The following GALNT13 variants were observed in gnomAD, a reference collection of about 807,000 sequenced individuals.
GALNT13 encodes the protein UDP-GalNAc:polypeptide N-acetylgalactosaminyltransferase 13.
A neutral mutation model predicts 64.2 loss-of-function variants in GALNT13; 28 were observed. The ratio of observed to expected loss-of-function variants is 0.44; its 90% confidence interval spans 0.32 to 0.60. The LOEUF is 0.60. Among genes scored for constraint, GALNT13 ranks in the 20% least tolerant of loss-of-function variants. The pLI, the probability that GALNT13 is intolerant of heterozygous loss-of-function variation, is 0.05. For synonymous variants in GALNT13, 214 were observed against 224.6 expected (o/e 0.95, Z 0.42); for missense variants, 577 against 669.8 (o/e 0.86, Z 1.53).
the GALNT13 span, among the ~76,000 whole-genome samples, chr2:153,295,081 C>A: frequency 6.6e-6 from 1 of 152,132 alleles, no homozygotes; most frequent in African/African-American, 2.4e-5. Context: ...CTTTGATGGA[C>A]TCTCCTGGTG....
the GALNT13 span, among the ~76,000 whole-genome samples, chr2:153,322,742 A>C: frequency 1.3e-5 from 2 of 152,156 alleles, no homozygotes; most frequent in Non-Finnish European, 2.9e-5. Context: ...ATGAGTGAGA[A>C]CATGCAGTGT....
the GALNT13 span, among the ~76,000 whole-genome samples, chr2:153,816,829 T>G: frequency 6.6e-6 from 1 of 152,136 alleles, no homozygotes; most frequent in Non-Finnish European, 1.5e-5. Flanking sequence ...ATAATGGTAA[T>G]ATGTCACATC....
intron 9 of GALNT13, among the ~76,000 whole-genome samples, chr2:154,385,019 C>T (rs1184283485): frequency 1.5e-5 from 2 of 137,148 alleles, no homozygotes; most frequent in African/African-American, 2.8e-5. Flanking sequence ...AAAGCAGTGA[C>T]GACTACAATA....
the GALNT13 span, among the ~76,000 whole-genome samples, chr2:153,120,602 T>C: frequency 6.6e-6 from 1 of 152,238 alleles, no homozygotes; most frequent in African/African-American, 2.4e-5. Context: ...TGATCAAATA[T>C]ACTTCCTTTT....
chr2:153,726,809 G>A, the GALNT13 span, among the ~76,000 whole-genome samples: 196 of 151,660 alleles, frequency 1.3e-3, no homozygotes, highest in Admixed American at 2.2e-3. Flanking sequence ...GTGTGGTGGC[G>A]GGCACCTGTA....
chr2:153,075,373 G>A, the GALNT13 span, among the ~76,000 whole-genome samples: 1 of 152,106 alleles, frequency 6.6e-6, no homozygotes, highest in South Asian at 2.1e-4. Context: ...TCAAACACAG[G>A]ACTAAACAGT....
At chr2:153,672,445 A>T in the GALNT13 span, among the ~76,000 whole-genome samples, 1 of 152,208 alleles carries the variant, frequency 6.6e-6, no homozygotes, top group Non-Finnish European at 1.5e-5. Flanking sequence ...CCTGCTCCTG[A>T]ATGACTACTG....
intron 8 of GALNT13, among the ~76,000 whole-genome samples, chr2:154,294,064 T>C (rs955579221): frequency 1.3e-5 from 2 of 152,212 alleles, no homozygotes; most frequent in Admixed American, 1.3e-4. Context: ...GGAAATGCAA[T>C]ATCAGCATTT....
chr2:153,343,103 A>G, the GALNT13 span, among the ~76,000 whole-genome samples: 1 of 152,188 alleles, frequency 6.6e-6, no homozygotes, highest in African/African-American at 2.4e-5. Flanking sequence ...TTTGTTGAAT[A>G]TAAGTGATGA....
the GALNT13 span, among the ~76,000 whole-genome samples, chr2:153,322,975 T>G: frequency 9.0e-3 from 1,374 of 152,328 alleles, 25 homozygotes; most frequent in East Asian, 0.084. Flanking sequence ...GCATGTGTCT[T>G]TATAGTAGAA....
intron 3 of GALNT13, among the ~76,000 whole-genome samples, chr2:154,055,474 A>G (rs1237877568): frequency 6.6e-6 from 1 of 152,104 alleles, no homozygotes; most frequent in African/African-American, 2.4e-5. Flanking sequence ...ACAGAGACAA[A>G]ACAAATATAT....
chr2:154,414,507 A>ATT (rs11439962), intron 11 of GALNT13, among the ~76,000 whole-genome samples: 2,045 of 149,312 alleles, frequency 0.014, 36 homozygotes, highest in African/African-American at 0.046. Flanking sequence ...TGTGTATTAT[A>ATT]TTTTTTTTTT....
intron 11 of GALNT13, among the ~76,000 whole-genome samples, chr2:154,417,282 C>CAAAAAAAA (rs35825821): frequency 1.3e-5 from 1 of 75,134 alleles, no homozygotes; most frequent in African/African-American, 5.5e-5. Flanking sequence ...AAACAAGCAC[C>CAAAAAAAA]AAAAAAAAAA....
At chr2:154,438,330 A>C (rs1190915080) in intron 11 of GALNT13, among the ~76,000 whole-genome samples, 1 of 152,208 alleles carries the variant, frequency 6.6e-6, no homozygotes, top group African/African-American at 2.4e-5. Flanking sequence ...AAAGAACTAC[A>C]GTGCCAGCAA....
the GALNT13 span, among the ~76,000 whole-genome samples, chr2:153,492,087 A>C: frequency 6.6e-6 from 1 of 152,234 alleles, no homozygotes; most frequent in Non-Finnish European, 1.5e-5. Flanking sequence ...ACATTAGCAA[A>C]ATACTAGGAG....
chr2:154,254,083 A>G (rs1339887968), intron 7 of GALNT13, among the ~76,000 whole-genome samples: 1 of 152,204 alleles, frequency 6.6e-6, no homozygotes, highest in Non-Finnish European at 1.5e-5. Flanking sequence ...GGCTGCCTAG[A>G]GTGTATAACA....
chr2:153,505,863 G>C, the GALNT13 span, among the ~76,000 whole-genome samples: 1 of 152,128 alleles, frequency 6.6e-6, no homozygotes, highest in African/African-American at 2.4e-5. Context: ...GTAAATATCT[G>C]TTAAGTCCAT....
chr2:153,532,900 A>T, the GALNT13 span, among the ~76,000 whole-genome samples: 2 of 152,218 alleles, frequency 1.3e-5, no homozygotes, highest in African/African-American at 4.8e-5. Flanking sequence ...AACAACTAAA[A>T]GAATAAAAGT....
intron 12 of GALNT13, among the ~76,000 whole-genome samples, chr2:154,448,824 G>A (rs965582994): frequency 6.6e-6 from 1 of 151,894 alleles, no homozygotes; most frequent in South Asian, 2.1e-4. Flanking sequence ...GCTTTCCGGG[G>A]TAGCTTAATG....
Sources: allele counts gnomAD v4.1 joint callset (sites outside exome capture counted in the v4.1 genomes callset), GRCh38; gene constraint gnomAD v4.1.1; transcripts MANE v1.5; gene names NCBI Gene and HGNC (gene_info 2026-07-23, HGNC 2026-07-21).